Variants in MORN3 observed in about 807,000 individuals in gnomAD.
The protein encoded by MORN3 is MORN repeat-containing protein 3.
In MORN3, 38 loss-of-function variants were observed where a neutral mutation model predicts 34.7. That is an observed-to-expected ratio of 1.10 (90% confidence interval 0.85 to 1.44). The LOEUF (loss-of-function observed/expected upper bound fraction) is 1.44. Ranked by LOEUF, MORN3 falls within the 40% of genes most tolerant of loss-of-function variation. MORN3 has a pLI of 0.00. For missense variants in MORN3, 311 were observed against 321.7 expected, an observed-to-expected ratio of 0.97 and a Z score of 0.25; for synonymous variants, 109 against 115.3, an observed-to-expected ratio of 0.95 and a Z score of 0.35.
At position 121,654,413 on chromosome 12, in the gene MORN3, G is replaced by A. The variant is rs1179342954; in HGVS notation, c.324C>T (p.Phe108=). 2 of 1,594,904 alleles carry A rather than the reference G, an allele frequency of 1.3e-6. No individual in the cohort carries two copies. Among genetic ancestry groups the A allele is most frequent in the Admixed American group, 1.8e-5 (1 of 56,894 alleles). Reference sequence around the variant, plus strand: ...CACCCTCATAATACTCCTTGGGTCCGAAAAACTGGATCCCATAACCCTGAA... The same window carrying A: ...CACCCTCATAATACTCCTTGGGTCCAAAAAACTGGATCCCATAACCCTGAA... ...DKKSGYGIQF[F]GPKEYYEGDW... is the part of the protein sequence containing the mutation. The change falls in exon 3 of 6, where the codon TTC becomes TTT. Residue 108 remains phenylalanine, a synonymous_variant. Coordinates refer to ENST00000355329, the MANE Select transcript of MORN3 (RefSeq NM_173855.5).
At chr12:121,660,832 C>G (rs1017734078) in intron 1 of MORN3, among the ~76,000 whole-genome samples, 1 of 151,958 alleles carries the variant, frequency 6.6e-6, no homozygotes, top group Non-Finnish European at 1.5e-5. Context: ...GCACGCCTGG[C>G]TAATTTTGTA....
At position 121,653,152 on chromosome 12, in the gene MORN3, T is replaced by G; in HGVS notation, c.571A>C (p.Asn191His). ...ATCATCGTCCCGCATTTGGCCATAT[T>G]GTCCACCCAGAAGCCTTCAAACAGC... is the stretch of plus-strand genomic sequence containing the variant. ...GQLFEGFWVD[N>H]MAKCGTMIDF... Residue 191 changes from asparagine (N) to histidine (H), a missense_variant, in exon 4 of 6, where the codon AAT becomes CAT. Physicochemically the swap from Asn to His is moderately conservative, Grantham distance 68. Coordinates refer to ENST00000355329, the MANE Select transcript of MORN3 (RefSeq NM_173855.5). 6.2e-7 allele frequency: 1 copy of G among 1,614,180 alleles called. No homozygotes were observed. Among genetic ancestry groups the G allele is most frequent in the South Asian group, 1.1e-5 (1 of 91,082 alleles).
At chr12:121,670,590 CCT>C (rs1408180684), upstream of MORN3, among the ~76,000 whole-genome samples, 2 of 151,534 alleles carry the variant, frequency 1.3e-5, no homozygotes, top group East Asian at 2.0e-4. Flanking sequence ...GGGTGGATCA[CCT>C]GAGGTCAGGA....
intron 5 of MORN3, among the ~76,000 whole-genome samples, chr12:121,652,178 C>T (rs1893271473): frequency 6.6e-6 from 1 of 152,074 alleles, no homozygotes; most frequent in African/African-American, 2.4e-5. Context: ...TCGTGATCCA[C>T]CCACCTCGGC....
intron 1 of MORN3, among the ~76,000 whole-genome samples, chr12:121,661,060 A>G (rs1245863805): frequency 4.6e-5 from 7 of 151,910 alleles, no homozygotes; most frequent in Non-Finnish European, 1.0e-4. Context: ...GGCTCAAATG[A>G]TCCTTCTGCC....
intron 1 of MORN3, among the ~76,000 whole-genome samples, chr12:121,662,207 C>T (rs1039469747): frequency 6.6e-6 from 1 of 152,038 alleles, no homozygotes; most frequent in African/African-American, 2.4e-5. Flanking sequence ...TGGCTCACTC[C>T]TATAATCCCA....
chr12:121,669,592 T>A lies in MORN3; in HGVS notation c.-109A>T. ...TCCTGAGCTCAAGTGGGGAGAGTCA[T>A]GTGTGTTCTGAGTCCCTGGGGCAGG... On this transcript the variant is annotated 5_prime_UTR_variant, in exon 1 of 6. The change abolishes an upstream ATG in the 5' untranslated region. Transcript: ENST00000355329. The A allele has an allele frequency of 6.8e-7, 1 of 1,466,540 alleles. No homozygotes were observed. The highest frequency in any genetic ancestry group is 9.3e-7 in the Non-Finnish European group (1 of 1,071,734). 90.8% of individuals were successfully genotyped at this position (1,466,540 alleles called of 1,614,324 possible). A position where few individuals can be genotyped will look rare whatever the true frequency, so the allele number is the denominator to read the frequency against.
intron 1 of MORN3, among the ~76,000 whole-genome samples, chr12:121,668,099 A>G (rs1398372418): frequency 6.7e-6 from 1 of 149,458 alleles, no homozygotes; most frequent in Admixed American, 6.7e-5. Context: ...TGAACTCCTG[A>G]CCTCAGGTGA....
chr12:121,671,159 G>A (rs1458685175), upstream of MORN3, among the ~76,000 whole-genome samples: 1 of 148,700 alleles, frequency 6.7e-6, no homozygotes, highest in African/African-American at 2.5e-5. Flanking sequence ...TGTAATCCCA[G>A]CACTTTGGGA....
intron 3 of MORN3, 57 bp from the exon 4 acceptor site, chr12:121,653,316 C>G: frequency 6.4e-7 from 1 of 1,551,442 alleles, no homozygotes; most frequent in Non-Finnish European, 8.7e-7. Context: ...GCTAGACCCC[C>G]AGGGGTCGCT....
intron 2 of MORN3, among the ~76,000 whole-genome samples, chr12:121,656,271 T>C (rs540003569): frequency 1.3e-5 from 2 of 152,254 alleles, no homozygotes; most frequent in Non-Finnish European, 2.9e-5. Flanking sequence ...CCCTTTTTTT[T>C]CTTCCTGGCT....
intron 1 of MORN3, among the ~76,000 whole-genome samples, chr12:121,664,571 C>T (rs1893682885): frequency 6.6e-6 from 1 of 152,168 alleles, no homozygotes; most frequent in Non-Finnish European, 1.5e-5. Context: ...CCAGCCTGGC[C>T]AACATGGCGA....
chr12:121,655,175 C>T (rs1474812293), intron 2 of MORN3, among the ~76,000 whole-genome samples: 1 of 151,700 alleles, frequency 6.6e-6, no homozygotes, highest in Non-Finnish European at 1.5e-5. Flanking sequence ...TGGTGAAACC[C>T]CATCTCTACC....
rs934921492 is a variant in MORN3 at position 121,653,593 on chromosome 12, C to T, written c.464-334G>A. Among the ~76,000 whole-genome samples the T allele has an allele frequency of 6.6e-5, 10 of 152,228 alleles. No homozygotes were observed. The East Asian group carries it at 1.2e-3, about 18-fold the overall frequency. On this transcript the variant is annotated intron_variant, in intron 3 of 5. Coordinates refer to ENST00000355329, the MANE Select transcript of MORN3 (RefSeq NM_173855.5). ...GCACTCCAGCCTGAGTGACAACCTCCGCCTCCCGAGTTCAAGTGATTCTCC... is the reference window on the plus strand; with the variant it reads ...GCACTCCAGCCTGAGTGACAACCTCTGCCTCCCGAGTTCAAGTGATTCTCC...
intron 1 of MORN3, among the ~76,000 whole-genome samples, chr12:121,668,405 G>T (rs145779260): frequency 0.038 from 5,801 of 152,166 alleles, 219 homozygotes; most frequent in African/African-American, 0.095. Context: ...GCCAGGCGTG[G>T]TGGCACATGC....
chr12:121,652,962 G>C (rs1893293910), intron 4 of MORN3, 113 bp downstream of exon 4: 2 of 1,439,642 alleles, frequency 1.4e-6, no homozygotes, highest in Non-Finnish European at 1.9e-6. Context: ...AACCTTGTCT[G>C]TTCCCTGTCT....
intron 4 of MORN3, 111 bp downstream of exon 4, chr12:121,652,964 T>A: frequency 6.9e-7 from 1 of 1,442,516 alleles, no homozygotes; most frequent in Non-Finnish European, 9.5e-7. Flanking sequence ...CCTTGTCTGT[T>A]CCCTGTCTGG....
chr12:121,659,095 T>G, intron 2 of MORN3, 96 bp downstream of exon 2: 1 of 1,493,170 alleles, frequency 6.7e-7, no homozygotes, highest in East Asian at 2.3e-5. Flanking sequence ...CCCCTCTCTT[T>G]TCTCCCAGGC....
chr12:121,652,840 G>T, intron 4 of MORN3, 32 bp from the exon 5 acceptor site: 1 of 1,610,774 alleles, frequency 6.2e-7, no homozygotes, highest in South Asian at 1.1e-5. Context: ...TTGGTTTGGA[G>T]AGCATGGAGG....
Sources: gnomAD v4.1 joint callset for allele counts (sites outside exome capture counted in the v4.1 genomes callset) on GRCh38, gnomAD v4.1.1 for gene constraint, MANE v1.5 for transcripts, NCBI Gene and HGNC (gene_info 2026-07-23, HGNC 2026-07-21) for gene names.